ATG4C: variants seen among roughly 807,000 people sequenced by gnomAD.
ATG4C encodes cysteine protease ATG4C.
A neutral mutation model predicts 57.6 loss-of-function variants in ATG4C; 56 were observed. That is an observed-to-expected ratio of 0.97 (90% CI 0.78 to 1.21). ATG4C has a LOEUF of 1.21. ATG4C is among the 50% of genes most tolerant of loss of function. ATG4C has a pLI of 0.00. For missense variants in ATG4C, 595 were observed against 529.8 expected (o/e 1.12, Z -1.21); for synonymous variants, 157 against 174.1 (o/e 0.90, Z 0.78).
chr1:62,801,279 T>C (rs964803500), intron 1 of ATG4C, among the ~76,000 whole-genome samples: 1 of 152,230 alleles, frequency 6.6e-6, no homozygotes, highest in Non-Finnish European at 1.5e-5. Flanking sequence ...CGTTTATGCG[T>C]CAGCAGTTCT....
chr1:62,787,120 A>G (rs1291473284), intron 1 of ATG4C, among the ~76,000 whole-genome samples: 1 of 152,204 alleles, frequency 6.6e-6, no homozygotes, highest in Non-Finnish European at 1.5e-5. Flanking sequence ...TTTGGGAAAC[A>G]TGCTTTGTTT....
chr1:62,853,072 C>A (rs1477987293), intron 10 of ATG4C, among the ~76,000 whole-genome samples: 2 of 152,180 alleles, frequency 1.3e-5, no homozygotes, highest in Non-Finnish European at 2.9e-5. Context: ...TGTCGACCAG[C>A]TTTATCTTTT....
At chr1:62,833,798 A>ATGT (rs1381697579) in intron 7 of ATG4C, among the ~76,000 whole-genome samples, 2 of 152,134 alleles carry the variant, frequency 1.3e-5, no homozygotes, top group Non-Finnish European at 2.9e-5. Context: ...TAGTTGTTTA[A>ATGT]TGTTGTTGAG....
At chr1:62,827,706 A>G (rs1665708291) in intron 6 of ATG4C, among the ~76,000 whole-genome samples, 2 of 152,134 alleles carry the variant, frequency 1.3e-5, no homozygotes, top group South Asian at 4.1e-4. Context: ...TACTTGTTAG[A>G]TAGGTAAACT....
At chr1:62,833,920 T>C in intron 7 of ATG4C, 118 bp from the exon 8 acceptor site, 2 of 802,930 alleles carry the variant, frequency 2.5e-6, no homozygotes, top group Non-Finnish European at 4.0e-6. Context: ...AAATGTAATA[T>C]AAATGATAAC....
chr1:62,812,721 C>T (rs377671940), intron 3 of ATG4C, among the ~76,000 whole-genome samples: 72 of 152,100 alleles, frequency 4.7e-4, no homozygotes, highest in African/African-American at 1.5e-3. Flanking sequence ...TTTAGAAAAC[C>T]CTGTTGTCTC....
At chr1:62,802,176 C>G (rs528861742) in intron 1 of ATG4C, among the ~76,000 whole-genome samples, 1 of 152,026 alleles carries the variant, frequency 6.6e-6, no homozygotes, top group East Asian at 1.9e-4. Flanking sequence ...TATCCCTGTT[C>G]TTTACCTTCC....
At chr1:62,842,254 G>A (rs997038794) in intron 10 of ATG4C, among the ~76,000 whole-genome samples, 1 of 151,442 alleles carries the variant, frequency 6.6e-6, no homozygotes, top group African/African-American at 2.4e-5. Flanking sequence ...CCAGTAGTTA[G>A]GCTATCATTT....
chr1:62,838,849 G>A (rs997293083), intron 9 of ATG4C, among the ~76,000 whole-genome samples: 4 of 151,788 alleles, frequency 2.6e-5, no homozygotes, highest in African/African-American at 4.8e-5. Context: ...TGCTCATGCC[G>A]CAATACCCAA....
At chr1:62,841,042 C>G (rs1448249517) in intron 9 of ATG4C, among the ~76,000 whole-genome samples, 1 of 152,074 alleles carries the variant, frequency 6.6e-6, no homozygotes, top group African/African-American at 2.4e-5. Context: ...AAACATTAAC[C>G]CAAAATCTCC....
At chr1:62,840,949 C>G (rs1293556190) in intron 9 of ATG4C, among the ~76,000 whole-genome samples, 1 of 152,166 alleles carries the variant, frequency 6.6e-6, no homozygotes, top group Non-Finnish European at 1.5e-5. Flanking sequence ...CTCAAGTTGA[C>G]CTCTTTTTAT....
intron 3 of ATG4C, among the ~76,000 whole-genome samples, chr1:62,814,909 A>G (rs1280226229): frequency 6.6e-6 from 1 of 152,158 alleles, no homozygotes; most frequent in Admixed American, 6.5e-5. Flanking sequence ...AACTAAAAAT[A>G]CAAAAATTAG....
intron 1 of ATG4C, among the ~76,000 whole-genome samples, chr1:62,786,892 A>T (rs1197490982): frequency 1.3e-5 from 2 of 152,178 alleles, no homozygotes; most frequent in East Asian, 3.9e-4. Flanking sequence ...CAGTTAGAAG[A>T]TTGTTGGAGT....
At chr1:62,826,599 C>CT (rs143421964) in intron 6 of ATG4C, among the ~76,000 whole-genome samples, 11 of 147,418 alleles carry the variant, frequency 7.5e-5, no homozygotes, top group Admixed American at 2.7e-4. Flanking sequence ...TTTTTTCTTT[C>CT]TTTTTTTTTT....
At chr1:62,830,245 G>A (rs1665797811) in intron 7 of ATG4C, among the ~76,000 whole-genome samples, 1 of 152,072 alleles carries the variant, frequency 6.6e-6, no homozygotes, top group African/African-American at 2.4e-5. Flanking sequence ...AGGTTTTGAT[G>A]TCTGACATGT....
chr1:62,788,745 A>G (rs1005091458), intron 1 of ATG4C, among the ~76,000 whole-genome samples: 4 of 152,204 alleles, frequency 2.6e-5, no homozygotes, highest in Admixed American at 2.6e-4. Flanking sequence ...TGTCTATTTT[A>G]TCTAGAACAG....
At chr1:62,787,122 G>A (rs1664115951) in intron 1 of ATG4C, among the ~76,000 whole-genome samples, 1 of 152,150 alleles carries the variant, frequency 6.6e-6, no homozygotes. Context: ...TGGGAAACAT[G>A]CTTTGTTTAT....
intron 10 of ATG4C, among the ~76,000 whole-genome samples, chr1:62,858,666 G>A (rs1666758090): frequency 6.6e-6 from 1 of 152,070 alleles, no homozygotes; most frequent in African/African-American, 2.4e-5. Context: ...TCAGAAATCA[G>A]GGAAATGGTA....
chr1:62,785,034 T>C (rs1263959236), intron 1 of ATG4C, among the ~76,000 whole-genome samples: 2 of 152,240 alleles, frequency 1.3e-5, no homozygotes, highest in South Asian at 2.1e-4. Context: ...TGCTACCCTA[T>C]AGTTACAGAA....
Sources: gnomAD v4.1 joint callset for allele counts (sites outside exome capture counted in the v4.1 genomes callset) on GRCh38, gnomAD v4.1.1 for gene constraint, MANE v1.5 for transcripts, NCBI Gene and HGNC (gene_info 2026-07-23, HGNC 2026-07-21) for gene names.